Variants in CLNK observed in about 807,000 individuals in gnomAD.
CLNK encodes cytokine-dependent hematopoietic cell linker.
A neutral mutation model predicts 68.6 loss-of-function variants in CLNK; 74 were observed. The ratio of observed to expected loss-of-function variants is 1.08; its 90% CI spans 0.89 to 1.31. The LOEUF is 1.31. Ranked by LOEUF, CLNK falls within the 50% of genes most tolerant of loss-of-function variation. The pLI is 0.00. For missense variants in CLNK, 553 were observed against 515.3 expected (o/e 1.07, Z -0.71); for synonymous variants, 198 against 172.2 (o/e 1.15, Z -1.17).
At chr4:10,497,874 C>A (rs988251852) in intron 18 of CLNK, among the ~76,000 whole-genome samples, 4 of 152,220 alleles carry the variant, frequency 2.6e-5, no homozygotes, top group African/African-American at 7.2e-5. Context: ...GAAAAAGAAC[C>A]CTTAAACCCA....
intron 1 of CLNK, among the ~76,000 whole-genome samples, chr4:10,674,223 C>G (rs761613338): frequency 2.7e-5 from 4 of 150,638 alleles, no homozygotes; most frequent in Non-Finnish European, 4.4e-5. Flanking sequence ...CAGAAGGAGA[C>G]GTGTTGGGTG....
chr4:10,673,435 T>A (rs962061186), intron 1 of CLNK, among the ~76,000 whole-genome samples: 1 of 152,074 alleles, frequency 6.6e-6, no homozygotes, highest in Non-Finnish European at 1.5e-5. Flanking sequence ...CCATCAGTGA[T>A]AGACTGGATT....
intron 2 of CLNK, among the ~76,000 whole-genome samples, chr4:10,601,188 C>G (rs1721579774): frequency 6.6e-6 from 1 of 152,084 alleles, no homozygotes; most frequent in South Asian, 2.1e-4. Context: ...GGGGTAGAAC[C>G]AGGGCTACAC....
chr4:10,661,640 A>G (rs1323236399), intron 2 of CLNK, among the ~76,000 whole-genome samples: 2 of 152,192 alleles, frequency 1.3e-5, no homozygotes, highest in African/African-American at 2.4e-5. Flanking sequence ...TTTTTGTATC[A>G]TTTTTACTCT....
intron 8 of CLNK, among the ~76,000 whole-genome samples, chr4:10,547,394 T>G (rs1719275270): frequency 6.6e-6 from 1 of 152,196 alleles, no homozygotes; most frequent in Non-Finnish European, 1.5e-5. Flanking sequence ...ATCCATGAAA[T>G]CAACACCACC....
intron 11 of CLNK, among the ~76,000 whole-genome samples, chr4:10,537,695 C>T (rs1390947438): frequency 1.5e-5 from 1 of 66,200 alleles, no homozygotes; most frequent in Non-Finnish European, 3.0e-5. Flanking sequence ...TCCTTCCTTC[C>T]TTCCTTCCTT....
chr4:10,490,437 C>A lies in CLNK; in HGVS notation c.*30G>T. On this transcript the variant is annotated 3_prime_UTR_variant, in exon 19 of 19. Coordinates refer to ENST00000226951, the MANE Select transcript of CLNK (RefSeq NM_052964.4). ...ATGAAAACAATGGAAGCGCTGAATC[C>A]AGTAAACCAAAGATAACACAAAGAC... 6.2e-7 allele frequency: 1 copy of A among 1,605,478 alleles called. No individual in the cohort carries two copies. Among genetic ancestry groups the A allele is most frequent in the Non-Finnish European group, 8.5e-7 (1 of 1,176,850 alleles).
chr4:10,607,198 A>C (rs1392926240), intron 2 of CLNK, among the ~76,000 whole-genome samples: 1 of 152,218 alleles, frequency 6.6e-6, no homozygotes, highest in Non-Finnish European at 1.5e-5. Flanking sequence ...GATGGAGCTC[A>C]CAAGAGTCGA....
chr4:10,713,875 T>C, the CLNK span, among the ~76,000 whole-genome samples: 1 of 152,196 alleles, frequency 6.6e-6, no homozygotes, highest in Non-Finnish European at 1.5e-5. Context: ...TCTTTACCAA[T>C]TGTCAGATCT....
chr4:10,654,185 AAC>A (rs542509597), intron 2 of CLNK, among the ~76,000 whole-genome samples: 216 of 152,118 alleles, frequency 1.4e-3, no homozygotes, highest in African/African-American at 4.1e-3. Context: ...TCATTAATGA[AAC>A]ACTGCACTAA....
At chr4:10,532,719 G>GT (rs1486109189) in intron 11 of CLNK, among the ~76,000 whole-genome samples, 65 of 152,272 alleles carry the variant, frequency 4.3e-4, no homozygotes, top group African/African-American at 1.5e-3. Flanking sequence ...GAAAGCAAGT[G>GT]TAAGAGAGAA....
intron 3 of CLNK, among the ~76,000 whole-genome samples, chr4:10,591,881 C>A (rs1330159752): frequency 1.3e-5 from 2 of 152,194 alleles, no homozygotes; most frequent in Non-Finnish European, 2.9e-5. Context: ...TTCAAGAATT[C>A]TCCTCTTACC....
intron 2 of CLNK, among the ~76,000 whole-genome samples, chr4:10,646,434 C>T (rs943082857): frequency 6.6e-6 from 1 of 152,104 alleles, no homozygotes; most frequent in African/African-American, 2.4e-5. Context: ...GAAATAGACC[C>T]AAGATTTGAT....
Position 10,513,472 on chromosome 4 carries a change from C to A in CLNK, c.898G>T (p.Asp300Tyr). 6.2e-7 allele frequency: 1 copy of A among 1,611,382 alleles called. No homozygotes were observed. Among genetic ancestry groups the A allele is most frequent in the Non-Finnish European group, 8.5e-7 (1 of 1,178,788 alleles). Residue 300 changes from aspartate to tyrosine, a missense_variant, in exon 16 of 19, where the codon GAT becomes TAT. By Grantham distance (160) the Asp-to-Tyr change is radical. Coordinates refer to ENST00000226951, the MANE Select transcript of CLNK (RefSeq NM_052964.4). ...SWRPPFPKRS[D>Y]RKDVQHNEWY... ...GAGAAGTGTCTGCTTACCTTTCTATCAGACCTTTTGGGGAAAGGTGGTCTC... is the reference window on the plus strand; with the variant it reads ...GAGAAGTGTCTGCTTACCTTTCTATAAGACCTTTTGGGGAAAGGTGGTCTC...
chr4:10,629,668 C>T (rs1332692363), intron 2 of CLNK, among the ~76,000 whole-genome samples: 1 of 152,088 alleles, frequency 6.6e-6, no homozygotes, highest in Non-Finnish European at 1.5e-5. Context: ...AGCCCCAAAA[C>T]CAGGCCAATG....
chr4:10,587,713 A>G (rs1261928759), intron 3 of CLNK, among the ~76,000 whole-genome samples: 1 of 152,196 alleles, frequency 6.6e-6, no homozygotes, highest in African/African-American at 2.4e-5. Flanking sequence ...TCAACTTTAC[A>G]GAATAGGAAA....
chr4:10,725,719 T>A, the CLNK span, among the ~76,000 whole-genome samples: 108 of 151,996 alleles, frequency 7.1e-4, no homozygotes, highest in African/African-American at 2.5e-3. Flanking sequence ...GCCGGGCGTG[T>A]TGGCGGGCGC....
chr4:10,715,440 CA>C, the CLNK span, among the ~76,000 whole-genome samples: 1 of 152,146 alleles, frequency 6.6e-6, no homozygotes, highest in Non-Finnish European at 1.5e-5. Flanking sequence ...CTCTTATTTT[CA>C]AAATATGGAT....
intron 2 of CLNK, among the ~76,000 whole-genome samples, chr4:10,638,272 C>T (rs1723173793): frequency 6.6e-6 from 1 of 152,162 alleles, no homozygotes; most frequent in South Asian, 2.1e-4. Context: ...TTAAATGTAG[C>T]TTATATGTAG....
Sources: allele counts gnomAD v4.1 joint callset (sites outside exome capture counted in the v4.1 genomes callset), GRCh38; gene constraint gnomAD v4.1.1; transcripts MANE v1.5; gene names NCBI Gene and HGNC (gene_info 2026-07-23, HGNC 2026-07-21).